EXOC4: variants seen among roughly 807,000 people sequenced by gnomAD.
EXOC4 encodes SEC8-like 1.
EXOC4 carries 71 observed loss-of-function variants against 107.2 expected under a neutral mutation model. The ratio of observed to expected loss-of-function variants is 0.66; its 90% CI spans 0.55 to 0.81. The LOEUF is 0.81. Among genes scored for constraint, EXOC4 ranks in the 30% least tolerant of loss-of-function variants. The pLI, the probability that EXOC4 is intolerant of heterozygous loss-of-function variation, is 0.00. For synonymous variants in EXOC4, 456 were observed against 441.2 expected (o/e 1.03, Z -0.42); for missense variants, 1,108 against 1,189.6 (o/e 0.93, Z 1.01).
At chr7:133,391,473 G>T (rs1391006800) in intron 7 of EXOC4, among the ~76,000 whole-genome samples, 1 of 152,212 alleles carries the variant, frequency 6.6e-6, no homozygotes, top group African/African-American at 2.4e-5. Context: ...GGCAGCATCT[G>T]GGATGCTGTC....
intron 14 of EXOC4, among the ~76,000 whole-genome samples, chr7:133,982,582 G>C (rs1794016350): frequency 6.6e-6 from 1 of 151,976 alleles, no homozygotes; most frequent in Non-Finnish European, 1.5e-5. Flanking sequence ...AAAGATACTG[G>C]GTTTTTGTTA....
At chr7:133,825,853 C>A (rs1797690413) in intron 11 of EXOC4, among the ~76,000 whole-genome samples, 1 of 151,794 alleles carries the variant, frequency 6.6e-6, no homozygotes, top group South Asian at 2.1e-4. Context: ...TTTTTTTTCC[C>A]CCTGTAAGCT....
chr7:133,841,545 G>A (rs866809084), intron 11 of EXOC4, among the ~76,000 whole-genome samples: 34 of 152,054 alleles, frequency 2.2e-4, no homozygotes, highest in Middle Eastern at 3.2e-3. Context: ...TCTACAAAGA[G>A]GTTATTTTTC....
the EXOC4 span, among the ~76,000 whole-genome samples, chr7:134,098,065 A>G: frequency 2.0e-5 from 3 of 152,196 alleles, no homozygotes; most frequent in East Asian, 5.8e-4. Flanking sequence ...ACACATATCA[A>G]CATAAAGTCT....
chr7:133,288,172 A>G (rs1794324231), intron 2 of EXOC4, among the ~76,000 whole-genome samples: 3 of 152,188 alleles, frequency 2.0e-5, no homozygotes, highest in Non-Finnish European at 4.4e-5. Context: ...TTCCATGTTG[A>G]AAAAATGGAA....
intron 7 of EXOC4, among the ~76,000 whole-genome samples, chr7:133,389,053 AG>A (rs1796792816): frequency 1.3e-5 from 2 of 152,150 alleles, no homozygotes; most frequent in Non-Finnish European, 1.5e-5. Context: ...TTTTGGATAG[AG>A]GAGTAAAGTA....
chr7:133,658,105 A>G (rs1803344294), intron 10 of EXOC4, among the ~76,000 whole-genome samples: 1 of 152,160 alleles, frequency 6.6e-6, no homozygotes, highest in Admixed American at 6.6e-5. Context: ...CTAGAGGATG[A>G]CTAATATTCA....
At chr7:133,643,796 CAT>C (rs540775385) in intron 10 of EXOC4, among the ~76,000 whole-genome samples, 18 of 152,218 alleles carry the variant, frequency 1.2e-4, no homozygotes, top group African/African-American at 4.1e-4. Context: ...CATACACAAA[CAT>C]GTTTTTAACA....
intron 9 of EXOC4, among the ~76,000 whole-genome samples, chr7:133,570,538 T>C (rs1175099043): frequency 6.6e-6 from 1 of 152,208 alleles, no homozygotes; most frequent in African/African-American, 2.4e-5. Flanking sequence ...CTCAGAGATT[T>C]TGATTTAGCT....
At chr7:133,803,914 G>A (rs1012327) in intron 10 of EXOC4, among the ~76,000 whole-genome samples, 150,276 of 152,286 alleles carry the variant, frequency 0.99, 74,189 homozygotes, top group Middle Eastern at 1. Flanking sequence ...AAGAACTGTA[G>A]GAATGGAATG....
intron 11 of EXOC4, among the ~76,000 whole-genome samples, chr7:133,879,687 G>C (rs555290516): frequency 6.6e-6 from 1 of 152,240 alleles, no homozygotes; most frequent in African/African-American, 2.4e-5. Flanking sequence ...GCTTTGGCCA[G>C]AGGGACTCAC....
At chr7:134,097,788 A>G in the EXOC4 span, among the ~76,000 whole-genome samples, 1 of 152,194 alleles carries the variant, frequency 6.6e-6, no homozygotes, top group Non-Finnish European at 1.5e-5. Context: ...CTAAGGTGTT[A>G]CAGCTCTGGT....
intron 17 of EXOC4, among the ~76,000 whole-genome samples, chr7:134,032,000 C>T (rs1346924909): frequency 6.6e-6 from 1 of 152,116 alleles, no homozygotes; most frequent in African/African-American, 2.4e-5. Flanking sequence ...CACCTGATGA[C>T]AACAAAGAGT....
At chr7:134,095,682 C>G in the EXOC4 span, among the ~76,000 whole-genome samples, 2 of 152,118 alleles carry the variant, frequency 1.3e-5, no homozygotes, top group Admixed American at 6.5e-5. Flanking sequence ...CTATGGCCGT[C>G]TAATCTTCTA....
chr7:134,046,077 G>T lies in EXOC4; in HGVS notation c.2688-18214G>T, dbSNP rs181752451. 5.9e-5 allele frequency among the ~76,000 whole-genome samples: 9 copies of T among 152,194 alleles called. No individual in the cohort carries two copies. In the East Asian group the frequency reaches 1.7e-3, roughly 29 times the overall value. On this transcript the variant is annotated intron_variant, in intron 17 of 17. Coordinates refer to ENST00000253861, the MANE Select transcript of EXOC4 (RefSeq NM_021807.4). ...AGGAAGCTAAAGTGTTTATATCGAA[G>T]TATGGCATACACACAGTAAACTGCA...
At chr7:134,033,028 A>G (rs1795303117) in intron 17 of EXOC4, among the ~76,000 whole-genome samples, 1 of 152,212 alleles carries the variant, frequency 6.6e-6, no homozygotes, top group Non-Finnish European at 1.5e-5. Flanking sequence ...AAAGAATAGG[A>G]GGATTTACCA....
At chr7:134,092,100 A>ACATTATTTT in the EXOC4 span, among the ~76,000 whole-genome samples, 11 of 152,330 alleles carry the variant, frequency 7.2e-5, no homozygotes, top group South Asian at 2.3e-3. Flanking sequence ...TTCCAGAGTT[A>ACATTATTTT]ACTACATTAC....
intron 11 of EXOC4, among the ~76,000 whole-genome samples, chr7:133,857,257 ATATATATATATATATACACG>A (rs1291038044): frequency 1.8e-4 from 8 of 45,304 alleles, no homozygotes; most frequent in African/African-American, 2.9e-4. Context: ...ATATATATAT[ATATATATATATATATACACG>A]TATATATATA....
chr7:134,077,672 A>G, the EXOC4 span, among the ~76,000 whole-genome samples: 1 of 152,228 alleles, frequency 6.6e-6, no homozygotes, highest in African/African-American at 2.4e-5. Context: ...GCAAGCTTAC[A>G]GGGGCATGAA....
Sources: gnomAD v4.1 joint callset for allele counts (sites outside exome capture counted in the v4.1 genomes callset) on GRCh38, gnomAD v4.1.1 for gene constraint, MANE v1.5 for transcripts, NCBI Gene and HGNC (gene_info 2026-07-23, HGNC 2026-07-21) for gene names.